Variants in ITGA8 observed in about 807,000 individuals in gnomAD.
ITGA8 encodes the protein integrin alpha-8.
ITGA8 carries 91 observed loss-of-function variants against 142.3 expected under a neutral mutation model. The observed-to-expected ratio is 0.64, with a 90% CI of 0.54 to 0.76. The LOEUF (loss-of-function observed/expected upper bound fraction) is 0.76. ITGA8 is among the 30% of genes least tolerant of loss of function. The pLI is 0.00. For missense variants in ITGA8, 1,406 were observed against 1,327.7 expected (o/e 1.06, Z -0.92); for synonymous variants, 505 against 485.2 (o/e 1.04, Z -0.54).
chr10:15,564,071 C>G (rs569123985), intron 25 of ITGA8, among the ~76,000 whole-genome samples: 1 of 152,268 alleles, frequency 6.6e-6, no homozygotes, highest in East Asian at 1.9e-4. Context: ...CAATAAAACA[C>G]AGGGCTTACT....
At chr10:15,630,199 C>G (rs1833659815) in intron 13 of ITGA8, among the ~76,000 whole-genome samples, 1 of 152,032 alleles carries the variant, frequency 6.6e-6, no homozygotes. Flanking sequence ...TTTCCATTCT[C>G]ATTCTGCACA....
chr10:15,667,721 T>A (rs1396602855), intron 8 of ITGA8, among the ~76,000 whole-genome samples: 1 of 152,142 alleles, frequency 6.6e-6, no homozygotes, highest in African/African-American at 2.4e-5. Context: ...ATGTTGTGTC[T>A]TTGTTCTCGT....
chr10:15,708,960 C>T (rs950150974), intron 2 of ITGA8, among the ~76,000 whole-genome samples: 72 of 152,230 alleles, frequency 4.7e-4, no homozygotes, highest in African/African-American at 1.5e-3. Flanking sequence ...AGAAATAAAC[C>T]TTAGATGCTT....
chr10:15,530,713 CT>C (rs928967968), intron 28 of ITGA8, among the ~76,000 whole-genome samples: 2 of 152,138 alleles, frequency 1.3e-5, no homozygotes, highest in African/African-American at 4.8e-5. Context: ...TTCTTCCCTT[CT>C]TACTTGACTA....
chr10:15,612,624 A>C (rs1833319175), intron 15 of ITGA8, among the ~76,000 whole-genome samples: 1 of 152,216 alleles, frequency 6.6e-6, no homozygotes, highest in Admixed American at 6.5e-5. Context: ...GACAAAATTC[A>C]GAAGGAACAC....
intron 25 of ITGA8, among the ~76,000 whole-genome samples, chr10:15,558,501 T>C (rs988580640): frequency 5.9e-5 from 9 of 152,186 alleles, no homozygotes. Flanking sequence ...ATAGAAAACA[T>C]GCAAGTGACG....
intron 2 of ITGA8, among the ~76,000 whole-genome samples, chr10:15,700,241 T>G (rs904922546): frequency 2.6e-5 from 4 of 152,108 alleles, no homozygotes; most frequent in African/African-American, 9.7e-5. Flanking sequence ...TCCCGGTGAT[T>G]TATAGTTCCA....
At chr10:15,702,451 C>T (rs1209290651) in intron 2 of ITGA8, among the ~76,000 whole-genome samples, 1 of 152,084 alleles carries the variant, frequency 6.6e-6, no homozygotes, top group Admixed American at 6.5e-5. Flanking sequence ...CCACTGTGCC[C>T]AGCTAATTTT....
At chr10:15,689,626 G>T (rs1834896351) in intron 2 of ITGA8, among the ~76,000 whole-genome samples, 1 of 152,140 alleles carries the variant, frequency 6.6e-6, no homozygotes, top group African/African-American at 2.4e-5. Context: ...CCACTCCTGT[G>T]ACCAGAGCAG....
At chr10:15,661,039 A>C (rs1834276928) in intron 8 of ITGA8, 117 bp from the exon 9 acceptor site, 7 of 922,790 alleles carry the variant, frequency 7.6e-6, no homozygotes, top group Admixed American at 3.9e-5. Flanking sequence ...GCTATCATAC[A>C]GAGCAGGGGT....
chr10:15,615,354 G>A (rs926990415), intron 14 of ITGA8, among the ~76,000 whole-genome samples: 5 of 152,262 alleles, frequency 3.3e-5, no homozygotes, highest in Admixed American at 2.6e-4. Flanking sequence ...TGGGACTGAC[G>A]AAGAAGAAAA....
intron 2 of ITGA8, among the ~76,000 whole-genome samples, chr10:15,694,415 A>ACATATCAGATAATATATCATATAT (rs1835006503): frequency 2.2e-4 from 4 of 18,456 alleles, no homozygotes; most frequent in Admixed American, 8.2e-4. Flanking sequence ...ATCATATATC[A>ACATATCAGATAATATATCATATAT]GATAATATAT....
chr10:15,517,225 G>C lies in ITGA8; in HGVS notation c.3125C>G (p.Ala1042Gly). The C allele has an allele frequency of 6.2e-7, 1 of 1,612,828 alleles. No homozygotes were observed. Among genetic ancestry groups the C allele is most frequent in the Non-Finnish European group, 8.5e-7 (1 of 1,179,244 alleles). The change falls in exon 30 of 30, where the codon GCC (alanine) becomes GGC (glycine). Residue 1042 changes from alanine (A) to glycine (G), a missense_variant. Ala to Gly is a moderately conservative substitution (Grantham distance 60, BLOSUM62 0). Transcript: ENST00000378076. ...ALWKCGFFDR[A>G]RPPQEDMTDR... is the part of the protein sequence containing the mutation. ...GGTCATGTCCTCCTGAGGAGGTCTG[G>C]CTCTGTCAAAGAATCCACACTATAA...
intron 23 of ITGA8, among the ~76,000 whole-genome samples, chr10:15,584,112 C>G (rs1375353324): frequency 6.6e-6 from 1 of 152,104 alleles, no homozygotes; most frequent in African/African-American, 2.4e-5. Flanking sequence ...GCCTGGCCAA[C>G]ATGGTGAAAC....
chr10:15,646,305 G>T (rs1009467468), intron 12 of ITGA8, among the ~76,000 whole-genome samples: 4 of 152,110 alleles, frequency 2.6e-5, no homozygotes, highest in Non-Finnish European at 4.4e-5. Context: ...TTGAACATTT[G>T]AGATGTTATT....
intron 15 of ITGA8, among the ~76,000 whole-genome samples, chr10:15,612,321 A>G (rs1332939135): frequency 1.3e-5 from 2 of 152,208 alleles, no homozygotes; most frequent in Non-Finnish European, 2.9e-5. Context: ...AAGGCCATCA[A>G]CAACATGTTA....
chr10:15,670,932 C>T (rs1834502477), intron 8 of ITGA8, among the ~76,000 whole-genome samples: 1 of 152,186 alleles, frequency 6.6e-6, no homozygotes, highest in Non-Finnish European at 1.5e-5. Flanking sequence ...TTGGCCCCTG[C>T]CCCTTTGTCT....
chr10:15,673,453 T>C (rs1414127624), intron 6 of ITGA8, among the ~76,000 whole-genome samples: 1 of 152,184 alleles, frequency 6.6e-6, no homozygotes, highest in Non-Finnish European at 1.5e-5. Context: ...AAATATAGCT[T>C]CTTCTAGGTG....
intron 23 of ITGA8, among the ~76,000 whole-genome samples, chr10:15,585,434 T>G (rs1369136435): frequency 6.6e-6 from 1 of 152,170 alleles, no homozygotes; most frequent in East Asian, 1.9e-4. Flanking sequence ...TCTAATCCGC[T>G]AGGGGGCGCC....
Sources: gnomAD v4.1 joint callset for allele counts (sites outside exome capture counted in the v4.1 genomes callset) on GRCh38, gnomAD v4.1.1 for gene constraint, MANE v1.5 for transcripts, NCBI Gene and HGNC (gene_info 2026-07-23, HGNC 2026-07-21) for gene names.